The following TTYH3 variants were observed in gnomAD, a reference collection of about 807,000 sequenced individuals.
TTYH3 encodes the protein protein tweety homolog 3.
In TTYH3, 23 loss-of-function variants were observed where a neutral mutation model predicts 68.2. The observed-to-expected ratio is 0.34, with a 90% CI of 0.24 to 0.48. The LOEUF (loss-of-function observed/expected upper bound fraction) is 0.48. Among genes scored for constraint, TTYH3 ranks in the 20% least tolerant of loss-of-function variants. The probability of loss-of-function intolerance (pLI) is 0.99; values close to 1 mark genes in which losing one functional copy is unlikely to be tolerated. For synonymous variants in TTYH3, 360 were observed against 332.8 expected, an observed-to-expected ratio of 1.08 and a Z score of -0.89; for missense variants, 768 against 727.7, an observed-to-expected ratio of 1.06 and a Z score of -0.64.
intron 11 of TTYH3, among the ~76,000 whole-genome samples, chr7:2,657,534 G>C (rs1180599120): frequency 1.3e-5 from 2 of 152,122 alleles, no homozygotes; most frequent in Non-Finnish European, 2.9e-5. Context: ...GTAGACATAG[G>C]GGAGTAGATA....
intron 9 of TTYH3, among the ~76,000 whole-genome samples, chr7:2,655,486 G>A (rs993450189): frequency 1.5e-4 from 23 of 152,206 alleles, no homozygotes; most frequent in Non-Finnish European, 2.1e-4. Context: ...CTTAGAAAAC[G>A]TGCCGTAAAA....
At chr7:2,639,504 C>T (rs913201763) in intron 1 of TTYH3, among the ~76,000 whole-genome samples, 7 of 152,226 alleles carry the variant, frequency 4.6e-5, no homozygotes, top group Admixed American at 3.9e-4. Context: ...CAGGGGAGCC[C>T]CCGACCTAGC....
At chr7:2,635,938 G>C (rs1271741521) in intron 1 of TTYH3, among the ~76,000 whole-genome samples, 1 of 152,230 alleles carries the variant, frequency 6.6e-6, no homozygotes, top group Non-Finnish European at 1.5e-5. Flanking sequence ...TGAGCCTCGG[G>C]GAGAGGCCTC....
chr7:2,649,155 C>T (rs1157707768), intron 5 of TTYH3, among the ~76,000 whole-genome samples: 2 of 152,050 alleles, frequency 1.3e-5, no homozygotes, highest in Admixed American at 1.3e-4. Flanking sequence ...GCTCTGAGTC[C>T]CCAGTTGCTG....
At chr7:2,658,061 C>T (rs1426467052) in intron 11 of TTYH3, among the ~76,000 whole-genome samples, 2 of 152,238 alleles carry the variant, frequency 1.3e-5, no homozygotes, top group African/African-American at 2.4e-5. Context: ...CAGTACAGGG[C>T]CTGGCACTCG....
At chr7:2,660,614 G>A in intron 13 of TTYH3, 1 of 950,626 alleles carries the variant, frequency 1.1e-6, no homozygotes, top group African/African-American at 1.8e-5. Context: ...GGAATGACGA[G>A]GCTCCGGGCC....
chr7:2,649,146 C>T (rs1033020105), intron 5 of TTYH3, among the ~76,000 whole-genome samples: 1 of 152,080 alleles, frequency 6.6e-6, no homozygotes, highest in Non-Finnish European at 1.5e-5. Context: ...GTAGCAAGAG[C>T]TCTGAGTCCC....
At chr7:2,659,934 T>G in intron 13 of TTYH3, 66 of 1,102,706 alleles carry the variant, frequency 6.0e-5, no homozygotes, top group Non-Finnish European at 7.6e-5. Flanking sequence ...CCCCGGGCCC[T>G]CCTAGCGCTA....
At chr7:2,643,320 A>C (rs1785901326) in intron 1 of TTYH3, among the ~76,000 whole-genome samples, 1 of 145,302 alleles carries the variant, frequency 6.9e-6, no homozygotes, top group South Asian at 2.1e-4. Flanking sequence ...GCGCCACTGC[A>C]CTCCAGCCTG....
At chr7:2,632,343 G>C in intron 1 of TTYH3, 65 bp downstream of exon 1, 1 of 1,414,950 alleles carries the variant, frequency 7.1e-7, no homozygotes, top group South Asian at 1.4e-5. Flanking sequence ...CCTCTCCCAG[G>C]GTCACGGCCC....
intron 1 of TTYH3, among the ~76,000 whole-genome samples, chr7:2,638,355 G>A (rs971049141): frequency 6.6e-6 from 1 of 152,198 alleles, no homozygotes; most frequent in Non-Finnish European, 1.5e-5. Flanking sequence ...CCTTGCACGA[G>A]GGGGAGGGCG....
chr7:2,641,634 C>A (rs1210592571), intron 1 of TTYH3, among the ~76,000 whole-genome samples: 1 of 152,228 alleles, frequency 6.6e-6, no homozygotes, highest in Non-Finnish European at 1.5e-5. Context: ...TCAGACAGTT[C>A]CCATTCTTTC....
intron 6 of TTYH3, 29 bp from the exon 7 acceptor site, chr7:2,649,884 C>G (rs747504277): frequency 1.9e-6 from 3 of 1,612,964 alleles, no homozygotes; most frequent in Non-Finnish European, 2.5e-6. Context: ...GCTTGGTCAA[C>G]CCCTCTTGCT....
At chr7:2,651,235 G>A (rs1786167662) in intron 7 of TTYH3, among the ~76,000 whole-genome samples, 1 of 152,172 alleles carries the variant, frequency 6.6e-6, no homozygotes, top group South Asian at 2.1e-4. Flanking sequence ...GAGGGTTACT[G>A]AATGACCTTG....
At chr7:2,637,850 G>T (rs1020763355) in intron 1 of TTYH3, among the ~76,000 whole-genome samples, 1 of 152,148 alleles carries the variant, frequency 6.6e-6, no homozygotes, top group Non-Finnish European at 1.5e-5. Flanking sequence ...TGGGAGGCTG[G>T]CTGAGACCTG....
intron 13 of TTYH3, chr7:2,660,560 G>A (rs1380435353): frequency 2.9e-6 from 2 of 688,836 alleles, no homozygotes; most frequent in South Asian, 6.5e-5. Context: ...GTCCAGTCCC[G>A]CCCCGTCCCG....
chr7:2,640,119 C>T (rs769622738), intron 1 of TTYH3, among the ~76,000 whole-genome samples: 9 of 152,340 alleles, frequency 5.9e-5, no homozygotes, highest in East Asian at 1.9e-4. Flanking sequence ...AGGGCAGACC[C>T]GCAGCAGTGT....
Position 2,648,905 on chromosome 7 carries a change from TGCAGTGGGGTGTGGGGCCC to T in TTYH3, c.723-605_723-587del, listed in dbSNP as rs771550343. ...GGGTCCTCAGTGGGGTGTGCAGGCCTGCAGTGGGGTGTGGGGCCCGCAGTGGGGTGTGGGGCCCGCAGTG... is the reference window on the plus strand; with the variant it reads ...GGGTCCTCAGTGGGGTGTGCAGGCCTGCAGTGGGGTGTGGGGCCCGCAGTG... On this transcript the variant is annotated intron_variant, in intron 5 of 13. Transcript: ENST00000258796. 6.8e-3 allele frequency among the ~76,000 whole-genome samples: 313 copies of T among 46,318 alleles called. 1 individual carries two copies. Among genetic ancestry groups the T allele is most frequent in the African/African-American group, 0.014 (148 of 10,758 alleles). The allele number at this position is 46,318 out of a possible 152,430, so 30.4% of individuals were successfully genotyped here.
intron 1 of TTYH3, 141 bp from the exon 2 acceptor site, chr7:2,646,712 T>A: frequency 1.1e-6 from 1 of 916,714 alleles, no homozygotes; most frequent in East Asian, 2.7e-5. Flanking sequence ...ATGCCTCACC[T>A]ACAAGTCGGG....
Sources: allele counts gnomAD v4.1 joint callset (sites outside exome capture counted in the v4.1 genomes callset), GRCh38; gene constraint gnomAD v4.1.1; transcripts MANE v1.5; gene names NCBI Gene and HGNC (gene_info 2026-07-23, HGNC 2026-07-21).